FSTL4: variants seen among roughly 807,000 people sequenced by gnomAD.
The protein encoded by FSTL4 is follistatin-related protein 4.
In FSTL4, 28 loss-of-function variants were observed where a neutral mutation model predicts 78.2. The ratio of observed to expected loss-of-function variants is 0.36; its 90% CI spans 0.27 to 0.49. The LOEUF is 0.49. Among genes scored for constraint, FSTL4 ranks in the 20% least tolerant of loss-of-function variants. FSTL4 has a pLI of 0.98. For synonymous variants in FSTL4, 422 were observed against 440.5 expected (o/e 0.96, Z 0.53); for missense variants, 922 against 1,084.9 (o/e 0.85, Z 2.11).
At chr5:133,264,474 C>T (rs1561649025) in intron 6 of FSTL4, among the ~76,000 whole-genome samples, 1 of 152,280 alleles carries the variant, frequency 6.6e-6, no homozygotes, top group South Asian at 2.1e-4. Context: ...GGCTATCACA[C>T]TCTCCTGCAG....
intron 6 of FSTL4, among the ~76,000 whole-genome samples, chr5:133,309,338 C>G (rs1056808254): frequency 6.6e-6 from 1 of 152,154 alleles, no homozygotes; most frequent in Non-Finnish European, 1.5e-5. Flanking sequence ...CAAAACAATG[C>G]AAAGAGAACG....
At chr5:133,268,483 T>TGACTGAGGAGTCCTGGGGAG (rs1419309733) in intron 6 of FSTL4, among the ~76,000 whole-genome samples, 2 of 152,110 alleles carry the variant, frequency 1.3e-5, no homozygotes, top group Non-Finnish European at 2.9e-5. Context: ...AGTTCCTGGG[T>TGACTGAGGAGTCCTGGGGAG]GACTGAGGAG....
chr5:133,817,549 C>A, the FSTL4 span, among the ~76,000 whole-genome samples: 1 of 152,158 alleles, frequency 6.6e-6, no homozygotes, highest in Non-Finnish European at 1.5e-5. Flanking sequence ...GTAAGAGGAC[C>A]GGCTTCTGTC....
In FSTL4 at chr5:133,196,742, T is replaced by G. The variant is rs994072718; in HGVS notation, c.*2353A>C. On this transcript the variant is annotated 3_prime_UTR_variant, in exon 16 of 16. Transcript: ENST00000265342. Reference sequence around the variant, plus strand: ...CTGGCCTTCCTCCTCTTCCTCCTTCTCCTCCCACCCCTGACTCCCCACCCA... The same window carrying G: ...CTGGCCTTCCTCCTCTTCCTCCTTCGCCTCCCACCCCTGACTCCCCACCCA... 3.3e-5 allele frequency: 5 copies of G among 152,254 alleles called. No homozygotes were observed. Among genetic ancestry groups the G allele is most frequent in the African/African-American group, 1.2e-4 (5 of 41,442 alleles). The allele number at this position is 152,254 out of a possible 1,614,324, so 9.4% of individuals were successfully genotyped here. A position where few individuals can be genotyped will look rare whatever the true frequency, so the allele number is the denominator to read the frequency against.
At chr5:133,454,887 A>G (rs1346129300) in intron 3 of FSTL4, among the ~76,000 whole-genome samples, 2 of 152,166 alleles carry the variant, frequency 1.3e-5, no homozygotes, top group East Asian at 3.8e-4. Flanking sequence ...CTCTCCTATC[A>G]CAGGGGTCTC....
intron 3 of FSTL4, among the ~76,000 whole-genome samples, chr5:133,405,271 A>C (rs1328577532): frequency 6.6e-6 from 1 of 152,224 alleles, no homozygotes; most frequent in Non-Finnish European, 1.5e-5. Flanking sequence ...TGGAAAGCCC[A>C]AAACTGGCTG....
At chr5:133,512,165 G>C (rs764223083) in intron 3 of FSTL4, among the ~76,000 whole-genome samples, 3 of 152,142 alleles carry the variant, frequency 2.0e-5, no homozygotes, top group Non-Finnish European at 4.4e-5. Flanking sequence ...GCATCACCCT[G>C]CCTCGCCACA....
At chr5:133,334,385 G>A (rs1167772066) in intron 4 of FSTL4, among the ~76,000 whole-genome samples, 1 of 152,132 alleles carries the variant, frequency 6.6e-6, no homozygotes, top group Non-Finnish European at 1.5e-5. Context: ...GCTGGTGTTA[G>A]CCACCCTTCT....
the FSTL4 span, among the ~76,000 whole-genome samples, chr5:133,735,178 A>AC: frequency 6.6e-6 from 1 of 152,212 alleles, no homozygotes; most frequent in African/African-American, 2.4e-5. Flanking sequence ...TAGAAAAAAA[A>AC]GGCCGGCCGA....
chr5:133,538,292 G>T (rs1163710378), intron 3 of FSTL4, among the ~76,000 whole-genome samples: 1 of 152,086 alleles, frequency 6.6e-6, no homozygotes, highest in African/African-American at 2.4e-5. Context: ...ACATGGATTT[G>T]TTTGATGTTT....
chr5:133,559,006 AC>A (rs1275039009), intron 3 of FSTL4, among the ~76,000 whole-genome samples: 4 of 152,234 alleles, frequency 2.6e-5, no homozygotes, highest in Admixed American at 6.5e-5. Flanking sequence ...TGTTAAAAAA[AC>A]AACACAATCT....
the FSTL4 span, among the ~76,000 whole-genome samples, chr5:133,626,064 CAT>C: frequency 4.6e-5 from 1 of 21,812 alleles, no homozygotes; most frequent in African/African-American, 2.9e-4. Flanking sequence ...ATATATATTC[CAT>C]ATATATATAT....
chr5:133,448,245 TCA>T (rs1757306728), intron 3 of FSTL4, among the ~76,000 whole-genome samples: 3 of 152,324 alleles, frequency 2.0e-5, no homozygotes, highest in Admixed American at 2.0e-4. Flanking sequence ...CACTCTGTAG[TCA>T]CAGTCATGGC....
At chr5:133,811,381 G>T in the FSTL4 span, among the ~76,000 whole-genome samples, 6 of 152,030 alleles carry the variant, frequency 3.9e-5, no homozygotes, top group Non-Finnish European at 8.8e-5. Context: ...CTTCCATGCA[G>T]CCTTCCTAGA....
chr5:133,323,575 A>G (rs1754125865), intron 4 of FSTL4, among the ~76,000 whole-genome samples: 1 of 152,210 alleles, frequency 6.6e-6, no homozygotes, highest in Non-Finnish European at 1.5e-5. Flanking sequence ...GAGAGGCTGC[A>G]TGTCCTGGTA....
chr5:133,240,200 C>T (rs1751803478), intron 7 of FSTL4, among the ~76,000 whole-genome samples: 1 of 152,180 alleles, frequency 6.6e-6, no homozygotes, highest in Non-Finnish European at 1.5e-5. Context: ...AAGGAACAAA[C>T]TCTGGACACG....
the FSTL4 span, among the ~76,000 whole-genome samples, chr5:133,797,047 T>C: frequency 3.9e-5 from 6 of 152,276 alleles, no homozygotes; most frequent in African/African-American, 1.4e-4. Flanking sequence ...AAGCAAACTC[T>C]GTAAAATATT....
At chr5:133,639,952 T>A in the FSTL4 span, among the ~76,000 whole-genome samples, 1 of 152,152 alleles carries the variant, frequency 6.6e-6, no homozygotes, top group Non-Finnish European at 1.5e-5. Flanking sequence ...AGAACTGACT[T>A]CTTAGAAAGA....
the FSTL4 span, among the ~76,000 whole-genome samples, chr5:133,811,203 A>G: frequency 2.4e-3 from 368 of 152,294 alleles, no homozygotes; most frequent in African/African-American, 8.4e-3. Flanking sequence ...GATATAGACA[A>G]TTAGCAAGCT....
Sources: gnomAD v4.1 joint callset for allele counts (sites outside exome capture counted in the v4.1 genomes callset) on GRCh38, gnomAD v4.1.1 for gene constraint, MANE v1.5 for transcripts, NCBI Gene and HGNC (gene_info 2026-07-23, HGNC 2026-07-21) for gene names.